PPP1R2: variants seen among roughly 807,000 people sequenced by gnomAD.
PPP1R2 encodes the protein protein phosphatase 1 regulatory inhibitor subunit 2, also known as protein phosphatase inhibitor 2.
A neutral mutation model predicts 29.9 loss-of-function variants in PPP1R2; 16 were observed. That is an observed-to-expected ratio of 0.53 (90% CI 0.36 to 0.81). The LOEUF (loss-of-function observed/expected upper bound fraction) is 0.81, where lower values mean the gene tolerates loss of function less well. Ranked by LOEUF, PPP1R2 falls within the 30% of genes least tolerant of loss-of-function variation. The pLI is 0.00. For missense variants in PPP1R2, 197 were observed against 252.7 expected (o/e 0.78, Z 1.49); for synonymous variants, 76 against 91.5 (o/e 0.83, Z 0.96).
intron 1 of PPP1R2, among the ~76,000 whole-genome samples, chr3:195,534,981 C>A (rs1052472536): frequency 3.9e-5 from 6 of 152,216 alleles, no homozygotes; most frequent in African/African-American, 1.4e-4. Context: ...CACAACATCT[C>A]CAATTTAACC....
rs1172937580 is a variant in PPP1R2 at position 195,515,943 on chromosome 3, T to C, written c.*953A>G. 1 of 152,118 alleles carries C rather than the reference T, an allele frequency of 6.6e-6. No individual in the cohort carries two copies. Among genetic ancestry groups the C allele is most frequent in the Non-Finnish European group, 1.5e-5 (1 of 67,982 alleles). 9.4% of individuals were successfully genotyped at this position (152,118 alleles called of 1,614,324 possible). On this transcript the variant is annotated 3_prime_UTR_variant, in exon 6 of 6. Transcript: ENST00000618156. ...CACGTATTAGAAGAATTCATAGGCA[T>C]TGATGGTCAAAATAAGAATTTCAAC...
intron 2 of PPP1R2, chr3:195,528,723 T>C (rs1719072408): frequency 7.1e-6 from 1 of 141,300 alleles, no homozygotes; most frequent in Non-Finnish European, 1.6e-5. Flanking sequence ...TTTTTTTTTT[T>C]TTTTTTTTTG....
chr3:195,519,814 C>T (rs1253730798), intron 4 of PPP1R2, among the ~76,000 whole-genome samples: 1 of 151,524 alleles, frequency 6.6e-6, no homozygotes, highest in African/African-American at 2.4e-5. Flanking sequence ...TTTTAGTCTT[C>T]ACCATAGAAA....
chr3:195,532,439 T>C (rs1265929220), intron 1 of PPP1R2, among the ~76,000 whole-genome samples: 8 of 152,106 alleles, frequency 5.3e-5, no homozygotes, highest in African/African-American at 1.7e-4. Context: ...CATCACACTC[T>C]TCTGGGACTG....
intron 1 of PPP1R2, among the ~76,000 whole-genome samples, chr3:195,535,842 G>A (rs78880382): frequency 2.1e-3 from 321 of 152,158 alleles, no homozygotes; most frequent in African/African-American, 7.4e-3. Context: ...TAAGAGAAAC[G>A]AAAAAGCACA....
intron 5 of PPP1R2, among the ~76,000 whole-genome samples, chr3:195,518,570 G>A (rs1364801086): frequency 2.0e-5 from 3 of 151,778 alleles, no homozygotes; most frequent in Non-Finnish European, 4.4e-5. Context: ...AGAATGGCGG[G>A]AACCCAGGAG....
chr3:195,516,357 T>C lies in PPP1R2; in HGVS notation c.*539A>G, dbSNP rs1359730857. On this transcript the variant is annotated 3_prime_UTR_variant, in exon 6 of 6. Coordinates refer to ENST00000618156, the MANE Select transcript of PPP1R2 (RefSeq NM_006241.8). ...AGAAACTCAACAGGAATTTTAAAAA[T>C]AGTAGGTCAGAAAATGCAACAGTAA... 2 of 152,558 alleles carry C rather than the reference T, an allele frequency of 1.3e-5. No individual in the cohort carries two copies. Among genetic ancestry groups the C allele is most frequent in the East Asian group, 3.8e-4 (2 of 5,198 alleles). The allele number at this position is 152,558 out of a possible 1,614,324, so 9.5% of individuals were successfully genotyped here. A position where few individuals can be genotyped will look rare whatever the true frequency, so the allele number is the denominator to read the frequency against.
At chr3:195,532,210 TTTTTC>T (rs1288618723) in intron 1 of PPP1R2, among the ~76,000 whole-genome samples, 31 of 98,918 alleles carry the variant, frequency 3.1e-4, no homozygotes, top group African/African-American at 3.2e-4. Flanking sequence ...TTTCTTTTTC[TTTTTC>T]TTTTTTTTTT....
chr3:195,535,037 G>A (rs890935059), intron 1 of PPP1R2, among the ~76,000 whole-genome samples: 2 of 152,134 alleles, frequency 1.3e-5, no homozygotes, highest in African/African-American at 4.8e-5. Flanking sequence ...AGCACACATG[G>A]CACTCTACGC....
chr3:195,523,218 A>G (rs1026616696), intron 4 of PPP1R2: 1 of 162,394 alleles, frequency 6.2e-6, no homozygotes, highest in Non-Finnish European at 1.4e-5. Context: ...CCTTCCTGTG[A>G]CACTACTGCT....
chr3:195,543,151 GC>G lies in PPP1R2; in HGVS notation c.-127del. The G allele has an allele frequency of 7.8e-7, 1 of 1,274,152 alleles. No individual in the cohort carries two copies. Among genetic ancestry groups the G allele is most frequent in the Non-Finnish European group, 1.0e-6 (1 of 960,174 alleles). The allele number at this position is 1,274,152 out of a possible 1,614,324, so 78.9% of individuals were successfully genotyped here. On this transcript the variant is annotated 5_prime_UTR_variant, in exon 1 of 6. Transcript: ENST00000618156. ...GCTCAGGGCTAAAGCGGCCGCAACT[GC>G]TGCCTCGGAAACGGCTACCGCAGCG...
At chr3:195,537,521 T>G (rs1313868123) in intron 1 of PPP1R2, among the ~76,000 whole-genome samples, 6 of 33,030 alleles carry the variant, frequency 1.8e-4, no homozygotes, top group Admixed American at 4.1e-4. Flanking sequence ...GTGTGTGTGT[T>G]TCCATTTCAG....
At chr3:195,537,823 AC>A (rs142303013) in intron 1 of PPP1R2, among the ~76,000 whole-genome samples, 1 of 152,326 alleles carries the variant, frequency 6.6e-6, no homozygotes, top group African/African-American at 2.4e-5. Context: ...CCAAAAAAAG[AC>A]AACAATAGCT....
intron 5 of PPP1R2, 82 bp downstream of exon 5, chr3:195,518,936 A>T: frequency 6.5e-7 from 1 of 1,542,980 alleles, no homozygotes; most frequent in African/African-American, 1.4e-5. Context: ...CTGTTTTTTC[A>T]CAAGTTTAAA....
At chr3:195,523,932 G>T in intron 3 of PPP1R2, 146 bp from the exon 4 acceptor site, 1 of 731,466 alleles carries the variant, frequency 1.4e-6, no homozygotes, top group Non-Finnish European at 2.3e-6. Flanking sequence ...AGGCAAGAGA[G>T]CAGAAACGTG....
intron 2 of PPP1R2, chr3:195,528,926 G>C (rs1409999928): frequency 2.0e-5 from 3 of 151,922 alleles, no homozygotes; most frequent in African/African-American, 7.3e-5. Flanking sequence ...GAGTGCAATG[G>C]TGTGATCTTG....
chr3:195,526,174 C>T (rs1364247156), intron 2 of PPP1R2, among the ~76,000 whole-genome samples: 1 of 151,668 alleles, frequency 6.6e-6, no homozygotes, highest in Non-Finnish European at 1.5e-5. Flanking sequence ...CGGCTCACTA[C>T]AGCCTCAATT....
chr3:195,543,106 C>T lies in PPP1R2; in HGVS notation c.-81G>A. On this transcript the variant is annotated 5_prime_UTR_variant, in exon 1 of 6. Transcript: ENST00000618156. ...GAGAAGGGTCGGCACAGCAGAGACT[C>T]GCAGGCAGCCGCAGATCCCGCTCAG... 7.5e-6 allele frequency: 11 copies of T among 1,467,742 alleles called. No homozygotes were observed. Among genetic ancestry groups the T allele is most frequent in the Non-Finnish European group, 1.0e-5 (11 of 1,102,188 alleles). The allele number at this position is 1,467,742 out of a possible 1,614,324, so 90.9% of individuals were successfully genotyped here.
chr3:195,528,045 A>G, intron 2 of PPP1R2: 2 of 310,242 alleles, frequency 6.4e-6, no homozygotes, highest in Non-Finnish European at 1.2e-5. Flanking sequence ...GTGTTTGGTT[A>G]CACAGGTAAG....
Sources: gnomAD v4.1 joint callset for allele counts (sites outside exome capture counted in the v4.1 genomes callset) on GRCh38, gnomAD v4.1.1 for gene constraint, MANE v1.5 for transcripts, NCBI Gene and HGNC (gene_info 2026-07-23, HGNC 2026-07-21) for gene names.